HERC3: variants seen among roughly 807,000 people sequenced by gnomAD.
HERC3 encodes the protein probable E3 ubiquitin-protein ligase HERC3.
In HERC3, 58 loss-of-function variants were observed where a neutral mutation model predicts 129.9. The observed-to-expected ratio is 0.45, with a 90% CI of 0.36 to 0.56. The LOEUF (loss-of-function observed/expected upper bound fraction) is 0.56, where lower values mean the gene tolerates loss of function less well. Among genes scored for constraint, HERC3 ranks in the 20% least tolerant of loss-of-function variants. HERC3 has a pLI of 0.00. For missense variants in HERC3, 835 were observed against 1,244.2 expected (o/e 0.67, Z 4.95); for synonymous variants, 430 against 451.0 (o/e 0.95, Z 0.59).
At chr4:88,660,883 C>T in intron 10 of HERC3, among the ~76,000 whole-genome samples, 1 of 152,142 alleles carries the variant, frequency 6.6e-6, no homozygotes, top group East Asian at 1.9e-4. Context: ...ACTTGGTCAT[C>T]AGGATTATTG....
At chr4:88,678,579 A>G (rs1425271477) in intron 19 of HERC3, among the ~76,000 whole-genome samples, 2 of 152,220 alleles carry the variant, frequency 1.3e-5, no homozygotes, top group Non-Finnish European at 2.9e-5. Flanking sequence ...TAGTACCTGT[A>G]AATTATTAAG....
intron 23 of HERC3, chr4:88,697,735 T>C: frequency 1.9e-6 from 3 of 1,609,742 alleles, no homozygotes; most frequent in Non-Finnish European, 2.5e-6. Flanking sequence ...CGCAGGCCCC[T>C]GGTTTTCCGA....
At chr4:88,621,677 G>T (rs991618090) in intron 3 of HERC3, among the ~76,000 whole-genome samples, 1 of 152,184 alleles carries the variant, frequency 6.6e-6, no homozygotes, top group Non-Finnish European at 1.5e-5. Flanking sequence ...AGAAAGAAAG[G>T]TCACCCCTAG....
chr4:88,596,341 G>A (rs1041233360), intron 2 of HERC3, among the ~76,000 whole-genome samples: 35 of 152,306 alleles, frequency 2.3e-4, no homozygotes, highest in African/African-American at 8.4e-4. Context: ...CTTGTTGGTG[G>A]CAGGGACATG....
At chr4:88,640,312 A>G (rs1214896611) in intron 3 of HERC3, among the ~76,000 whole-genome samples, 1 of 152,222 alleles carries the variant, frequency 6.6e-6, no homozygotes, top group Non-Finnish European at 1.5e-5. Flanking sequence ...TAGCAAAGAC[A>G]TGGAACCACC....
chr4:88,571,415 C>T, the HERC3 span, among the ~76,000 whole-genome samples: 1 of 152,170 alleles, frequency 6.6e-6, no homozygotes, highest in South Asian at 2.1e-4. Context: ...TTTGAATATC[C>T]ATGGCCCTAA....
chr4:88,554,175 G>A, the HERC3 span, among the ~76,000 whole-genome samples: 1 of 152,138 alleles, frequency 6.6e-6, no homozygotes, highest in East Asian at 1.9e-4. Flanking sequence ...GTGAAACCCT[G>A]TCTCTACTGA....
At chr4:88,634,150 CT>C (rs1204778002) in intron 3 of HERC3, among the ~76,000 whole-genome samples, 15 of 152,290 alleles carry the variant, frequency 9.8e-5, no homozygotes, top group Admixed American at 4.6e-4. Flanking sequence ...CCACCCTTAG[CT>C]GAGGGAGGTG....
At chr4:88,598,080 A>G (rs2149174760) in intron 2 of HERC3, 1 of 152,240 alleles carries the variant, frequency 6.6e-6, no homozygotes, top group East Asian at 1.9e-4. Context: ...CATATATACA[A>G]CATTCAGGTA....
At chr4:88,656,904 C>G (rs780071651) in intron 9 of HERC3, 22 of 152,086 alleles carry the variant, frequency 1.4e-4, no homozygotes, top group Non-Finnish European at 2.2e-4. Context: ...GGATTTAAAC[C>G]CAGGTCATTC....
rs184728216 is a variant in HERC3 at position 88,694,882 on chromosome 4, G to A, written c.2657+7583G>A. On this transcript the variant is annotated intron_variant, in intron 23 of 25. Transcript: ENST00000402738. ...TGATCATTATTAGTGCCTATAAATG[G>A]TTATTGGTTTTTGTGTATTTATCTG... Among the ~76,000 whole-genome samples, 105 of 152,126 alleles carry A rather than the reference G, an allele frequency of 6.9e-4. No homozygotes were observed. In the East Asian group the frequency reaches 0.019, roughly 28 times the overall value.
chr4:88,562,534 A>G, the HERC3 span, among the ~76,000 whole-genome samples: 5 of 151,968 alleles, frequency 3.3e-5, no homozygotes, highest in African/African-American at 1.2e-4. Context: ...TTTTTGCTTT[A>G]ATTGCCTGTG....
chr4:88,548,062 A>G, the HERC3 span, among the ~76,000 whole-genome samples: 48 of 152,178 alleles, frequency 3.2e-4, no homozygotes, highest in East Asian at 5.8e-3. Context: ...TACCGTTCCC[A>G]TTGTGTGGAT....
In HERC3 at chr4:88,706,983, T is replaced by C. The variant is rs1191163558; in HGVS notation, c.*23T>C. ...TGAGGCTTCTCAGCTTGTCCAGTAT[T>C]TCCCTTCGTTCCTCAGTGTCCACAT... On this transcript the variant is annotated 3_prime_UTR_variant, in exon 26 of 26. Coordinates refer to ENST00000402738, the MANE Select transcript of HERC3 (RefSeq NM_014606.3). 1 of 1,574,456 alleles carries C rather than the reference T, an allele frequency of 6.4e-7. No homozygotes were observed. Among genetic ancestry groups the C allele is most frequent in the Non-Finnish European group, 8.7e-7 (1 of 1,143,868 alleles).
chr4:88,636,736 T>C (rs1349193193), intron 3 of HERC3, among the ~76,000 whole-genome samples: 1 of 152,164 alleles, frequency 6.6e-6, no homozygotes, highest in Non-Finnish European at 1.5e-5. Context: ...GACCACATAA[T>C]TGGAAGTAAA....
the HERC3 span, among the ~76,000 whole-genome samples, chr4:88,535,646 C>T: frequency 2.6e-5 from 4 of 152,026 alleles, no homozygotes; most frequent in African/African-American, 9.7e-5. Context: ...GAAGGGCATC[C>T]CAAGGCAGGA....
the HERC3 span, among the ~76,000 whole-genome samples, chr4:88,572,668 G>T: frequency 6.6e-6 from 1 of 151,848 alleles, no homozygotes; most frequent in East Asian, 1.9e-4. Context: ...AATTAGCCAG[G>T]TGTGGTGGCA....
intron 23 of HERC3, chr4:88,697,408 AG>A (rs1371798518): frequency 6.2e-7 from 1 of 1,614,000 alleles, no homozygotes; most frequent in Non-Finnish European, 8.5e-7. Flanking sequence ...CTTGGCGAGT[AG>A]GGGCTTATAG....
At chr4:88,559,153 C>A in the HERC3 span, among the ~76,000 whole-genome samples, 1,582 of 152,160 alleles carry the variant, frequency 0.01, 34 homozygotes, top group African/African-American at 0.035. Flanking sequence ...TGTAATCAGA[C>A]CTTGGTGATG....
Sources: allele counts gnomAD v4.1 joint callset (sites outside exome capture counted in the v4.1 genomes callset), GRCh38; gene constraint gnomAD v4.1.1; transcripts MANE v1.5; gene names NCBI Gene and HGNC (gene_info 2026-07-23, HGNC 2026-07-21).